ABLIM2: variants seen among roughly 807,000 people sequenced by gnomAD.
ABLIM2 encodes actin binding LIM protein family member 2, also known as actin-binding LIM protein 2.
A neutral mutation model predicts 97.7 loss-of-function variants in ABLIM2; 53 were observed. The ratio of observed to expected loss-of-function variants is 0.54; its 90% CI spans 0.44 to 0.68. ABLIM2 has a LOEUF of 0.68. ABLIM2 is among the 30% of genes least tolerant of loss of function. The pLI is 0.00. For missense variants in ABLIM2, 835 were observed against 867.2 expected (o/e 0.96, Z 0.47); for synonymous variants, 361 against 345.8 (o/e 1.04, Z -0.49).
chr4:8,059,457 TCTCTTCTCAGTGGAGAAGG>T (rs1392793126), intron 7 of ABLIM2, among the ~76,000 whole-genome samples: 1 of 152,014 alleles, frequency 6.6e-6, no homozygotes, highest in Non-Finnish European at 1.5e-5. Context: ...AGTCCCTGGG[TCTCTTCTCAGTGGAGAAGG>T]CACACAGCAC....
In ABLIM2 at chr4:8,072,453, G is replaced by A. The variant is rs946135901; in HGVS notation, c.675+5175C>T. Among the ~76,000 whole-genome samples, 7 of 152,236 alleles carry A rather than the reference G, an allele frequency of 4.6e-5. No homozygotes were observed. Among genetic ancestry groups the A allele is most frequent in the Non-Finnish European group, 7.3e-5 (5 of 68,040 alleles). On this transcript the variant is annotated intron_variant, in intron 6 of 20. Coordinates refer to ENST00000447017, the MANE Select transcript of ABLIM2 (RefSeq NM_001130083.2). The surrounding 1 kb of genome is among the most constrained non-coding windows in gnomAD (Gnocchi z 5.8). ...CTCTGGTGTGGGGGCTGCTGCCCAT[G>A]GGTGTCAGAAACGCGGGGCAGGTGA... is the stretch of plus-strand genomic sequence containing the variant.
chr4:8,037,119 G>C (rs1784956973), intron 9 of ABLIM2, among the ~76,000 whole-genome samples: 1 of 152,036 alleles, frequency 6.6e-6, no homozygotes, highest in African/African-American at 2.4e-5. Context: ...ATAAAATAGT[G>C]TATTATTTTT....
Position 8,120,893 on chromosome 4 carries a change from C to A in ABLIM2, c.11-14256G>T, listed in dbSNP as rs1241953580. On this transcript the variant is annotated intron_variant, in intron 1 of 20. Coordinates refer to ENST00000447017, the MANE Select transcript of ABLIM2 (RefSeq NM_001130083.2). The surrounding 1 kb of genome is among the most constrained non-coding windows in gnomAD (Gnocchi z 5.6). ...AGCCTGTTTTATAATACAATGTTGA[C>A]CGTCTCACGTAAGAGTACTGTACCG... 6.6e-6 allele frequency among the ~76,000 whole-genome samples: 1 copy of A among 152,350 alleles called. No individual in the cohort carries two copies. Among genetic ancestry groups the A allele is most frequent in the Non-Finnish European group, 1.5e-5 (1 of 68,038 alleles).
intron 14 of ABLIM2, among the ~76,000 whole-genome samples, chr4:8,013,346 C>T (rs1410066457): frequency 6.6e-6 from 1 of 151,738 alleles, no homozygotes; most frequent in Non-Finnish European, 1.5e-5. Flanking sequence ...CCTCAGCCTC[C>T]CGCGTAGCTG....
rs895726171 is a variant in ABLIM2, at chr4:8,109,467, C to T, written c.11-2830G>A. 4.6e-5 allele frequency among the ~76,000 whole-genome samples: 7 copies of T among 152,234 alleles called. No individual in the cohort carries two copies. In the East Asian group the frequency reaches 1.2e-3, roughly 25 times the overall value. ...GTCTCCTCATCTCCCTGGTAAAAAT[C>T]GAGTGACTGCATCTCAGACAGAGGA... On this transcript the variant is annotated intron_variant, in intron 1 of 20. Coordinates refer to ENST00000447017, the MANE Select transcript of ABLIM2 (RefSeq NM_001130083.2).
Position 8,069,912 on chromosome 4 carries a change from A to C in ABLIM2, c.675+7716T>G, listed in dbSNP as rs1426316856. Among the ~76,000 whole-genome samples the C allele has an allele frequency of 6.7e-6, 1 of 149,062 alleles. No individual in the cohort carries two copies. Among genetic ancestry groups the C allele is most frequent in the Non-Finnish European group, 1.5e-5 (1 of 67,292 alleles). On this transcript the variant is annotated intron_variant, in intron 6 of 20. Coordinates refer to ENST00000447017, the MANE Select transcript of ABLIM2 (RefSeq NM_001130083.2). The surrounding 1 kb of genome is among the most constrained non-coding windows in gnomAD (Gnocchi z 4.2). ...TGTGTTTATGTTGGTTGTGTGTGTC[A>C]TGTGTTTCTTTCTGTGTGTTTATTT...
At position 8,071,675 on chromosome 4, in the gene ABLIM2, A is replaced by G. The variant is rs997703252; in HGVS notation, c.675+5953T>C. On this transcript the variant is annotated intron_variant, in intron 6 of 20. Coordinates refer to ENST00000447017, the MANE Select transcript of ABLIM2 (RefSeq NM_001130083.2). This position sits in a 1 kb window ranked among gnomAD's most constrained non-coding sequence, Gnocchi z 6.2. ...AGGTGGCTCCGAGGTCTCACACCTG[A>G]CTGCTCTGTCCCCAAAAACCCACCC... The G allele has an allele frequency of 3.3e-4, 325 of 978,858 alleles. No individual in the cohort carries two copies. The highest frequency in any genetic ancestry group is 3.9e-4 in the Non-Finnish European group (319 of 823,998). 60.6% of individuals were successfully genotyped at this position (978,858 alleles called of 1,614,324 possible).
At chr4:8,121,898 G>A (rs2152877218) in intron 1 of ABLIM2, among the ~76,000 whole-genome samples, 1 of 152,284 alleles carries the variant, frequency 6.6e-6, no homozygotes. Flanking sequence ...CACAACCCAG[G>A]TCACAGAGCT....
chr4:7,967,670 C>T (rs1724010547), intron 20 of ABLIM2, among the ~76,000 whole-genome samples: 1 of 152,216 alleles, frequency 6.6e-6, no homozygotes, highest in South Asian at 2.1e-4. Context: ...TCTCTGAGCT[C>T]AGCTTCTTGT....
At position 8,081,573 on chromosome 4, in the gene ABLIM2, C is replaced by T. The variant is rs111896378; in HGVS notation, c.455-771G>A. 4.0e-3 allele frequency among the ~76,000 whole-genome samples: 603 copies of T among 152,288 alleles called. 2 individuals are homozygous for T. The highest frequency in any genetic ancestry group is 5.1e-3 in the Non-Finnish European group (346 of 68,002). ...GGGGAGCTGGGGAGAGCCTGGTGCA[C>T]GAGCCTGAGCGGGGTGCGTGTGAGT... On this transcript the variant is annotated intron_variant, in intron 4 of 20. Coordinates refer to ENST00000447017, the MANE Select transcript of ABLIM2 (RefSeq NM_001130083.2).
At chr4:8,100,964 G>C (rs374156330) in intron 2 of ABLIM2, among the ~76,000 whole-genome samples, 3 of 152,142 alleles carry the variant, frequency 2.0e-5, no homozygotes, top group African/African-American at 7.2e-5. Flanking sequence ...AAATTGAAGC[G>C]AACGAATCAG....
intron 12 of ABLIM2, among the ~76,000 whole-genome samples, chr4:8,024,311 A>C (rs965155898): frequency 6.6e-6 from 1 of 151,932 alleles, no homozygotes; most frequent in Non-Finnish European, 1.5e-5. Context: ...CGCCAAACTG[A>C]AATTCACACA....
At position 7,989,489 on chromosome 4, in the gene ABLIM2, A is replaced by G. The variant is rs140354965; in HGVS notation, c.1680+3377T>C. The stretch of plus-strand genomic sequence containing the variant: ...TGGTGCATTTAAGTTGATGAATGCT[A>G]TAACTGCTTTATTCCATTATGCCTC... On this transcript the variant is annotated intron_variant, in intron 17 of 20. Coordinates refer to ENST00000447017, the MANE Select transcript of ABLIM2 (RefSeq NM_001130083.2). The G allele has an allele frequency of 3.0e-4, 288 of 945,008 alleles. 1 individual carries two copies. In the African/African-American group the frequency reaches 4.8e-3, roughly 16 times the overall value. 58.5% of individuals were successfully genotyped at this position (945,008 alleles called of 1,614,324 possible).
In ABLIM2 at chr4:8,130,264, C is replaced by T. The variant is rs1049416005; in HGVS notation, c.11-23627G>A. 1.3e-5 allele frequency among the ~76,000 whole-genome samples: 2 copies of T among 152,196 alleles called. No homozygotes were observed. The highest frequency in any genetic ancestry group is 1.5e-5 in the Non-Finnish European group (1 of 68,036). On this transcript the variant is annotated intron_variant, in intron 1 of 20. Transcript: ENST00000447017. The surrounding 1 kb of genome is among the most constrained non-coding windows in gnomAD (Gnocchi z 4.2). ...TGGTGCTGGATGGCTGAGGCCCGGC[C>T]GCATCTGTCACCAGTTCCGGGATGG...
At position 7,966,940 on chromosome 4, in the gene ABLIM2, G is replaced by C. The variant is rs764576988; in HGVS notation, c.*50C>G. 1 of 1,466,040 alleles carries C rather than the reference G, an allele frequency of 6.8e-7. No homozygotes were observed. The highest frequency in any genetic ancestry group is 1.1e-5 in the South Asian group (1 of 87,504). The allele number at this position is 1,466,040 out of a possible 1,614,324, so 90.8% of individuals were successfully genotyped here. On this transcript the variant is annotated 3_prime_UTR_variant, in exon 21 of 21. Transcript: ENST00000447017. Reference sequence around the variant, plus strand: ...GGGGTGTGTGCGGTTCTCGCCAGGGGCCCCTGGCCTCGGCGCCCGGCACAC... The same window carrying C: ...GGGGTGTGTGCGGTTCTCGCCAGGGCCCCCTGGCCTCGGCGCCCGGCACAC...
At position 8,155,562 on chromosome 4, in the gene ABLIM2, G is replaced by A. The variant is rs769438371; in HGVS notation, c.10+3118C>T. The stretch of plus-strand genomic sequence containing the variant: ...CAGCCACAAGGCCGCCCTTGGCCCC[G>A]CACCCCTGTTATGGACTGAATTGTC... On this transcript the variant is annotated intron_variant, in intron 1 of 20. Transcript: ENST00000447017. The surrounding 1 kb of genome is among the most constrained non-coding windows in gnomAD (Gnocchi z 4.2). 6.6e-5 allele frequency among the ~76,000 whole-genome samples: 10 copies of A among 152,146 alleles called. No individual in the cohort carries two copies. Among genetic ancestry groups the A allele is most frequent in the African/African-American group, 1.7e-4 (7 of 41,424 alleles).
rs1772212207 is a variant in ABLIM2 at position 8,019,791 on chromosome 4, C to A, written c.1370-120G>T. 2 of 985,470 alleles carry A rather than the reference C, an allele frequency of 2.0e-6. No individual in the cohort carries two copies. The highest frequency in any genetic ancestry group is 1.4e-5 in the South Asian group (1 of 69,834). The allele number at this position is 985,470 out of a possible 1,614,324, so 61.0% of individuals were successfully genotyped here. ...CTCACCCAGATTTAGAATCATCAGG[C>A]AGGAACTGGCACCCAGCGAGCGACA... On this transcript the variant is annotated intron_variant, in intron 13 of 20. Transcript: ENST00000447017. The surrounding 1 kb of genome is among the most constrained non-coding windows in gnomAD (Gnocchi z 4.3).
chr4:8,054,120 C>A lies in ABLIM2; in HGVS notation c.822+68G>T. The A allele has an allele frequency of 6.4e-7, 1 of 1,566,450 alleles. No individual in the cohort carries two copies. Among genetic ancestry groups the A allele is most frequent in the Admixed American group, 1.7e-5 (1 of 59,834 alleles). On this transcript the variant is annotated intron_variant, in intron 8 of 20. Coordinates refer to ENST00000447017, the MANE Select transcript of ABLIM2 (RefSeq NM_001130083.2). The surrounding 1 kb of genome is among the most constrained non-coding windows in gnomAD (Gnocchi z 4.9). Reference sequence around the variant, plus strand: ...GCCTGTAGAATCTGGTCAGTGTCCTCTTAACTGTACAAAGATGGTGCAGGA... The same window carrying A: ...GCCTGTAGAATCTGGTCAGTGTCCTATTAACTGTACAAAGATGGTGCAGGA...
rs147154910 is a variant in ABLIM2, at chr4:8,087,187, C to T, written c.454+982G>A. Among the ~76,000 whole-genome samples, 850 of 152,328 alleles carry T rather than the reference C, an allele frequency of 5.6e-3. 7 individuals carry two copies. Among genetic ancestry groups the T allele is most frequent in the Non-Finnish European group, 7.3e-3 (494 of 68,018 alleles). The stretch of plus-strand genomic sequence containing the variant: ...CTGTCTGGGGACACCCCAGTGACCA[C>T]GGTGCTCAGAGTGGGCTTCTGCACC... On this transcript the variant is annotated intron_variant, in intron 4 of 20. Coordinates refer to ENST00000447017, the MANE Select transcript of ABLIM2 (RefSeq NM_001130083.2). The surrounding 1 kb of genome is among the most constrained non-coding windows in gnomAD (Gnocchi z 4.6).
Sources: gnomAD v4.1 joint callset for allele counts (sites outside exome capture counted in the v4.1 genomes callset) on GRCh38, gnomAD v4.1.1 for gene constraint, Gnocchi (gnomAD v3.1) non-coding constraint, MANE v1.5 for transcripts, NCBI Gene and HGNC (gene_info 2026-07-23, HGNC 2026-07-21) for gene names.